The following SLC9A9 variants were observed in gnomAD, a reference collection of about 807,000 sequenced individuals.
SLC9A9 encodes the protein solute carrier family 9 member A9.
Under a neutral mutation model 77.8 loss-of-function variants are expected in SLC9A9, and 62 were observed. That is an observed-to-expected ratio of 0.80 (90% CI 0.65 to 0.98). The LOEUF (loss-of-function observed/expected upper bound fraction) is 0.98, where lower values mean the gene tolerates loss of function less well. SLC9A9 is among the 50% of genes least tolerant of loss of function. SLC9A9 has a pLI of 0.00. For synonymous variants in SLC9A9, 320 were observed against 283.5 expected (o/e 1.13, Z -1.29); for missense variants, 775 against 774.9 (o/e 1.00, Z 0.00).
intron 4 of SLC9A9, among the ~76,000 whole-genome samples, chr3:143,734,641 G>A (rs1349633709): frequency 6.6e-6 from 1 of 151,596 alleles, no homozygotes; most frequent in East Asian, 1.9e-4. Context: ...GGCTGAGGCA[G>A]GGGAATCACT....
chr3:143,648,335 G>A (rs1049493868), intron 6 of SLC9A9, among the ~76,000 whole-genome samples: 1 of 152,168 alleles, frequency 6.6e-6, no homozygotes, highest in Non-Finnish European at 1.5e-5. Context: ...GATGGCTTCG[G>A]GATGAAAGGC....
intron 14 of SLC9A9, among the ~76,000 whole-genome samples, chr3:143,293,584 C>T (rs745346796): frequency 6.6e-5 from 10 of 152,138 alleles, no homozygotes; most frequent in African/African-American, 9.7e-5. Flanking sequence ...AAATGAAATA[C>T]ACCTGAGGAC....
chr3:143,761,813 C>T (rs867040561), intron 4 of SLC9A9, among the ~76,000 whole-genome samples: 11 of 152,158 alleles, frequency 7.2e-5, no homozygotes, highest in South Asian at 4.1e-4. Context: ...ACCAGAAATA[C>T]CATTTGATCC....
chr3:143,493,799 G>C (rs1397740809), intron 10 of SLC9A9, 35 bp from the exon 11 acceptor site: 3 of 1,460,534 alleles, frequency 2.1e-6, no homozygotes, highest in Non-Finnish European at 2.9e-6. Context: ...TGAGGAAAGT[G>C]TTGCTGCAAT....
chr3:143,564,859 AT>A (rs758983159), intron 8 of SLC9A9, among the ~76,000 whole-genome samples: 4 of 152,326 alleles, frequency 2.6e-5, no homozygotes, highest in Non-Finnish European at 5.9e-5. Flanking sequence ...TTGTTTAAAA[AT>A]ATCCTCTATG....
intron 9 of SLC9A9, among the ~76,000 whole-genome samples, chr3:143,539,831 C>T (rs914167788): frequency 6.6e-6 from 1 of 151,688 alleles, no homozygotes; most frequent in Non-Finnish European, 1.5e-5. Context: ...TGTTGATATC[C>T]AAGCTTTGAT....
Position 143,660,161 on chromosome 3 carries a change from T to C in SLC9A9, c.650-7801A>G, listed in dbSNP as rs141289573. On this transcript the variant is annotated intron_variant, in intron 5 of 15. Transcript: ENST00000316549. ...ACTAATACAGTTATGGATCTTAAAA[T>C]AGGCAGATCATGTTACATTATGTGG... Among the ~76,000 whole-genome samples the C allele has an allele frequency of 7.2e-5, 11 of 152,320 alleles. No individual in the cohort carries two copies. In the East Asian group the frequency reaches 1.5e-3, roughly 21 times the overall value.
chr3:143,504,964 A>C (rs1251958461), intron 9 of SLC9A9, among the ~76,000 whole-genome samples: 1 of 152,142 alleles, frequency 6.6e-6, no homozygotes, highest in Non-Finnish European at 1.5e-5. Context: ...GAATATTTGT[A>C]ACACTTTCAA....
chr3:143,712,277 T>C (rs1351029985), intron 4 of SLC9A9, among the ~76,000 whole-genome samples: 1 of 152,216 alleles, frequency 6.6e-6, no homozygotes, highest in East Asian at 1.9e-4. Context: ...AAAAAGCACC[T>C]GCTATTATCA....
intron 14 of SLC9A9, among the ~76,000 whole-genome samples, chr3:143,348,661 T>C (rs2032367114): frequency 6.6e-6 from 1 of 152,228 alleles, no homozygotes; most frequent in Non-Finnish European, 1.5e-5. Context: ...AATACTTTGT[T>C]ATAAGCACTT....
At chr3:143,540,906 A>G (rs1393679318) in intron 9 of SLC9A9, among the ~76,000 whole-genome samples, 4 of 152,212 alleles carry the variant, frequency 2.6e-5, no homozygotes, top group Non-Finnish European at 5.9e-5. Context: ...TGGGTAGGAT[A>G]GATGGTTTAC....
At chr3:143,525,181 GA>G (rs2036384112) in intron 9 of SLC9A9, among the ~76,000 whole-genome samples, 1 of 152,102 alleles carries the variant, frequency 6.6e-6, no homozygotes, top group Non-Finnish European at 1.5e-5. Context: ...GTTAATTTAA[GA>G]ACTAGTTCTT....
At chr3:143,844,962 A>C (rs2009801637) in intron 1 of SLC9A9, among the ~76,000 whole-genome samples, 1 of 151,974 alleles carries the variant, frequency 6.6e-6, no homozygotes. Context: ...TTTAATGGAA[A>C]GGGGGATAGT....
chr3:143,486,409 C>T (rs868795266), intron 11 of SLC9A9, among the ~76,000 whole-genome samples: 2 of 151,920 alleles, frequency 1.3e-5, no homozygotes, highest in African/African-American at 4.8e-5. Context: ...AATTAAAAAG[C>T]TAGTATTATT....
In SLC9A9 at chr3:143,622,637, A is replaced by G. The variant is rs1173576510; in HGVS notation, c.755+29618T>C. The stretch of plus-strand genomic sequence containing the variant: ...GAAGCACTAAACATGGAAAGGAACA[A>G]CTGCTACCAGCCATTGCAAAAACAT... On this transcript the variant is annotated intron_variant, in intron 6 of 15. Transcript: ENST00000316549. 4.6e-5 allele frequency among the ~76,000 whole-genome samples: 7 copies of G among 152,342 alleles called. No individual in the cohort carries two copies. In the East Asian group the frequency reaches 1.2e-3, roughly 25 times the overall value.
intron 11 of SLC9A9, among the ~76,000 whole-genome samples, chr3:143,483,771 G>T (rs969244734): frequency 1.3e-5 from 2 of 151,974 alleles, no homozygotes; most frequent in Non-Finnish European, 2.9e-5. Context: ...AAAGAAAATG[G>T]ACAACCATTT....
At chr3:143,297,115 T>C (rs1211621211) in intron 14 of SLC9A9, among the ~76,000 whole-genome samples, 1 of 152,198 alleles carries the variant, frequency 6.6e-6, no homozygotes, top group Non-Finnish European at 1.5e-5. Flanking sequence ...GTCATGAAAA[T>C]ATCTCCCTAT....
intron 14 of SLC9A9, among the ~76,000 whole-genome samples, chr3:143,338,779 G>T (rs1314566012): frequency 6.6e-6 from 1 of 152,094 alleles, no homozygotes; most frequent in Non-Finnish European, 1.5e-5. Flanking sequence ...TGAGAATGGT[G>T]CCTGACACAT....
chr3:143,411,668 A>G (rs2034098427), intron 12 of SLC9A9, among the ~76,000 whole-genome samples: 1 of 152,066 alleles, frequency 6.6e-6, no homozygotes, highest in Admixed American at 6.5e-5. Context: ...ACTTTTATTA[A>G]TGTCTTCTCT....
Sources: allele counts gnomAD v4.1 joint callset (sites outside exome capture counted in the v4.1 genomes callset), GRCh38; gene constraint gnomAD v4.1.1; transcripts MANE v1.5; gene names NCBI Gene and HGNC (gene_info 2026-07-23, HGNC 2026-07-21).